SLCO1C1: variants seen among roughly 807,000 people sequenced by gnomAD.
SLCO1C1 encodes solute carrier organic anion transporter family member 1C1, also known as OAT-RP-5.
Under a neutral mutation model 76.4 loss-of-function variants are expected in SLCO1C1, and 70 were observed. The ratio of observed to expected loss-of-function variants is 0.92; its 90% CI spans 0.76 to 1.12. SLCO1C1 has a LOEUF of 1.12. SLCO1C1 is among the 50% of genes most tolerant of loss of function. SLCO1C1 has a pLI of 0.00. For synonymous variants in SLCO1C1, 306 were observed against 286.1 expected (o/e 1.07, Z -0.70); for missense variants, 912 against 823.8 (o/e 1.11, Z -1.31).
intron 9 of SLCO1C1, among the ~76,000 whole-genome samples, chr12:20,725,224 AAAG>A (rs1947913313): frequency 7.4e-6 from 1 of 135,728 alleles, no homozygotes; most frequent in Non-Finnish European, 1.5e-5. Context: ...AATTATAGTT[AAAG>A]AAAGAAAAAA....
intron 13 of SLCO1C1, among the ~76,000 whole-genome samples, chr12:20,745,481 T>G (rs1457560643): frequency 1.3e-5 from 2 of 152,254 alleles, no homozygotes; most frequent in African/African-American, 2.4e-5. Flanking sequence ...TTAATATTAC[T>G]TGGAATTAAT....
intron 12 of SLCO1C1, 65 bp downstream of exon 12, chr12:20,740,433 A>G: frequency 2.7e-6 from 4 of 1,458,748 alleles, no homozygotes; most frequent in Non-Finnish European, 3.7e-6. Flanking sequence ...CAATGATTTA[A>G]ATTTTTTTCT....
chr12:20,701,992 C>T (rs1946550475), intron 3 of SLCO1C1, among the ~76,000 whole-genome samples: 1 of 151,862 alleles, frequency 6.6e-6, no homozygotes, highest in Non-Finnish European at 1.5e-5. Context: ...ATTCAAATCT[C>T]AGGTGCCTTT....
chr12:20,717,648 CTTTTTTTTTTTTTTTTTTTTT>C (rs534946900), intron 7 of SLCO1C1, among the ~76,000 whole-genome samples: 8,193 of 42,484 alleles, frequency 0.19, 365 homozygotes, highest in Non-Finnish European at 0.28. Context: ...AACAGCCCTT[CTTTTTTTTTTTTTTTTTTTTT>C]TTTTTTTTTT....
chr12:20,715,420 T>C (rs1947317833), intron 6 of SLCO1C1, 135 bp downstream of exon 6: 1 of 974,658 alleles, frequency 1.0e-6, no homozygotes, highest in South Asian at 1.7e-5. Flanking sequence ...CTCACACATT[T>C]CTGAAGTGCA....
Position 20,721,913 on chromosome 12 carries a change from A to G in SLCO1C1, c.885A>G (p.Leu295=). The G allele has an allele frequency of 6.2e-7, 1 of 1,614,138 alleles. No homozygotes were observed. Among genetic ancestry groups the G allele is most frequent in the Non-Finnish European group, 8.5e-7 (1 of 1,180,012 alleles). ...TTGCAGCTGTGCCTTTCTGGTATTT[A>G]CCAAAGAGTTTACCAAGATCCCAAA... ...SLLAAVPFWY[L]PKSLPRSQSR... Residue 295 remains leucine, a synonymous_variant, in exon 8 of 15, where the codon TTA becomes TTG. Coordinates refer to ENST00000266509, the MANE Select transcript of SLCO1C1 (RefSeq NM_017435.5).
At chr12:20,713,083 C>CTTTTTTTTT (rs71039973) in intron 5 of SLCO1C1, among the ~76,000 whole-genome samples, 27 of 142,592 alleles carry the variant, frequency 1.9e-4, no homozygotes, top group African/African-American at 5.2e-4. Context: ...AAGATGTTTT[C>CTTTTTTTTT]TTTTTTTTTT....
At chr12:20,707,863 A>G (rs540137555) in intron 4 of SLCO1C1, among the ~76,000 whole-genome samples, 1 of 152,360 alleles carries the variant, frequency 6.6e-6, no homozygotes, top group Non-Finnish European at 1.5e-5. Context: ...ACAACCAGAC[A>G]GGCTAGTGTT....
intron 13 of SLCO1C1, among the ~76,000 whole-genome samples, chr12:20,744,968 G>A (rs74333752): frequency 0.078 from 11,881 of 152,174 alleles, 576 homozygotes; most frequent in Middle Eastern, 0.13. Flanking sequence ...TAATGTTACC[G>A]AGTGATCTCC....
chr12:20,730,902 C>A (rs541322005), intron 9 of SLCO1C1, among the ~76,000 whole-genome samples: 22 of 152,236 alleles, frequency 1.4e-4, no homozygotes, highest in African/African-American at 4.8e-4. Context: ...GGCCAGGGGG[C>A]TGCCGGCACT....
At chr12:20,724,451 A>ATATG (rs1555129500) in intron 9 of SLCO1C1, among the ~76,000 whole-genome samples, 39 of 75,346 alleles carry the variant, frequency 5.2e-4, no homozygotes, top group African/African-American at 1.5e-3. Context: ...ATATATATAT[A>ATATG]TGTGTGTGTG....
intron 13 of SLCO1C1, among the ~76,000 whole-genome samples, chr12:20,747,592 A>C (rs1949106364): frequency 7.6e-6 from 1 of 132,194 alleles, no homozygotes; most frequent in Non-Finnish European, 1.7e-5. Flanking sequence ...CCACGTACAG[A>C]AAATTGCAAA....
chr12:20,741,049 GAAAC>G (rs1948797443), intron 12 of SLCO1C1, among the ~76,000 whole-genome samples: 1 of 151,860 alleles, frequency 6.6e-6, no homozygotes, highest in African/African-American at 2.4e-5. Context: ...GGGGGAAGAG[GAAAC>G]AAACAAGTCC....
Position 20,721,947 on chromosome 12 carries a change from G to C in SLCO1C1, c.919G>C (p.Asp307His). Residue 307 changes from aspartate (D) to histidine (H), a missense_variant, in exon 8 of 15, where the codon GAT becomes CAT. By Grantham distance (81) the Asp-to-His change is moderately conservative (BLOSUM62 -1). Transcript: ENST00000266509. ...KSLPRSQSRE[D>H]SNSSSEKSKF... is the part of the protein sequence containing the mutation. ...TTTACCAAGATCCCAAAGTAGAGAG[G>C]ATTCTAATTCTTCCTCTGAGAAATC... The C allele has an allele frequency of 1.6e-5, 26 of 1,614,090 alleles. No individual in the cohort carries two copies. The highest frequency in any genetic ancestry group is 2.2e-5 in the Non-Finnish European group (26 of 1,179,998).
Position 20,715,292 on chromosome 12 carries a change from T to C in SLCO1C1, c.676+7T>C. Reference sequence around the variant, plus strand: ...AATGCAGCTTTCTATATTGGTAATATTGGCATATTGCTTCACTTATCTTCT... The same window carrying C: ...AATGCAGCTTTCTATATTGGTAATACTGGCATATTGCTTCACTTATCTTCT... On this transcript the variant is annotated splice_region_variant and intron_variant, in intron 6 of 14. Transcript: ENST00000266509. The C allele has an allele frequency of 1.2e-6, 2 of 1,613,324 alleles. No individual in the cohort carries two copies. Among genetic ancestry groups the C allele is most frequent in the African/African-American group, 1.3e-5 (1 of 75,028 alleles).
intron 11 of SLCO1C1, among the ~76,000 whole-genome samples, chr12:20,739,978 GTAGA>G (rs1247860651): frequency 2.6e-5 from 4 of 152,150 alleles, no homozygotes; most frequent in Non-Finnish European, 5.9e-5. Flanking sequence ...TTAGTAGTTT[GTAGA>G]TAGTCATCTG....
At chr12:20,716,198 T>C (rs1947353253) in intron 6 of SLCO1C1, among the ~76,000 whole-genome samples, 1 of 152,188 alleles carries the variant, frequency 6.6e-6, no homozygotes, top group South Asian at 2.1e-4. Flanking sequence ...AGGCTATAGT[T>C]AAGATCACAG....
intron 7 of SLCO1C1, among the ~76,000 whole-genome samples, chr12:20,719,825 T>A (rs1947567292): frequency 6.6e-6 from 1 of 152,184 alleles, no homozygotes; most frequent in African/African-American, 2.4e-5. Context: ...GTGGAGAAGC[T>A]GCAGAAAGTT....
chr12:20,708,701 T>C, intron 4 of SLCO1C1, among the ~76,000 whole-genome samples: 1 of 152,182 alleles, frequency 6.6e-6, no homozygotes, highest in South Asian at 2.1e-4. Context: ...AGGAGGCCTG[T>C]GTGGCTAAAA....
Sources: gnomAD v4.1 joint callset for allele counts (sites outside exome capture counted in the v4.1 genomes callset) on GRCh38, gnomAD v4.1.1 for gene constraint, MANE v1.5 for transcripts, NCBI Gene and HGNC (gene_info 2026-07-23, HGNC 2026-07-21) for gene names.